Variants in HOOK3 observed in about 807,000 individuals in gnomAD.
HOOK3 encodes the protein hook microtubule tethering protein 3.
HOOK3 carries 24 observed loss-of-function variants against 116.3 expected under a neutral mutation model. That is an observed-to-expected ratio of 0.21 (90% CI 0.15 to 0.29). The LOEUF is 0.29. Among genes scored for constraint, HOOK3 ranks in the 10% least tolerant of loss-of-function variants. HOOK3 has a pLI of 1.00. For missense variants in HOOK3, 632 were observed against 830.2 expected, an observed-to-expected ratio of 0.76 and a Z score of 2.93; for synonymous variants, 275 against 283.0, an observed-to-expected ratio of 0.97 and a Z score of 0.28.
intron 13 of HOOK3, among the ~76,000 whole-genome samples, chr8:42,978,941 T>G (rs1808880482): frequency 6.6e-6 from 1 of 152,156 alleles, no homozygotes; most frequent in African/African-American, 2.4e-5. Flanking sequence ...TGTTGCACAC[T>G]TAACACAATT....
chr8:42,926,686 C>T (rs186652838), intron 3 of HOOK3, among the ~76,000 whole-genome samples: 42 of 152,190 alleles, frequency 2.8e-4, no homozygotes, highest in Non-Finnish European at 5.7e-4. Flanking sequence ...TAACATCTTG[C>T]GTAACTATAA....
At chr8:42,969,001 T>C (rs2130427246) in intron 11 of HOOK3, among the ~76,000 whole-genome samples, 1 of 152,320 alleles carries the variant, frequency 6.6e-6, no homozygotes, top group African/African-American at 2.4e-5. Context: ...TCAGTGAGAC[T>C]TGTTTATCAT....
chr8:42,948,305 C>G (rs1442454086), intron 5 of HOOK3, among the ~76,000 whole-genome samples: 1 of 152,216 alleles, frequency 6.6e-6, no homozygotes. Context: ...CATAGCAAAT[C>G]TCATTCTCCA....
At chr8:42,979,327 T>G (rs1224018129) in intron 13 of HOOK3, among the ~76,000 whole-genome samples, 1 of 152,142 alleles carries the variant, frequency 6.6e-6, no homozygotes, top group African/African-American at 2.4e-5. Context: ...AGCAGTGAAT[T>G]TTTTTCAACT....
At chr8:43,011,451 G>A (rs1267589479) in intron 19 of HOOK3, among the ~76,000 whole-genome samples, 3 of 150,322 alleles carry the variant, frequency 2.0e-5, no homozygotes, top group Non-Finnish European at 4.4e-5. Context: ...GTAACAGCAT[G>A]TGTGTGTGTG....
chr8:42,942,378 A>G (rs1302560987), intron 4 of HOOK3, among the ~76,000 whole-genome samples: 1 of 152,252 alleles, frequency 6.6e-6, no homozygotes, highest in Non-Finnish European at 1.5e-5. Context: ...TTTTAAAGGT[A>G]ATTGTGAAGT....
rs556821402 is a variant in HOOK3, at chr8:42,897,067, T to C, written c.-65T>C. 3.4e-4 allele frequency: 403 copies of C among 1,180,766 alleles called. 2 individuals are homozygous for C. In the South Asian group the frequency reaches 0.01, roughly 30 times the overall value. 73.1% of individuals were successfully genotyped at this position (1,180,766 alleles called of 1,614,324 possible). On this transcript the variant is annotated 5_prime_UTR_variant, in exon 1 of 22. Transcript: ENST00000307602. ...CGAGTCAGCTGCGCGGGCCCCCGGA[T>C]CCCCCGACAGAGCGGCGGCGGTGTC...
At chr8:43,000,521 A>T (rs1359933690) in intron 16 of HOOK3, among the ~76,000 whole-genome samples, 2 of 152,126 alleles carry the variant, frequency 1.3e-5, no homozygotes, top group African/African-American at 4.8e-5. Context: ...GTTCCATCCC[A>T]TTATTATAAT....
At chr8:42,975,206 C>T (rs975678979) in intron 13 of HOOK3, among the ~76,000 whole-genome samples, 2 of 152,156 alleles carry the variant, frequency 1.3e-5, no homozygotes, top group Admixed American at 1.3e-4. Context: ...TCAGCGCCGC[C>T]GGGCTGGGAC....
At chr8:42,955,178 G>A (rs1028721247) in intron 6 of HOOK3, among the ~76,000 whole-genome samples, 4 of 152,160 alleles carry the variant, frequency 2.6e-5, no homozygotes, top group Non-Finnish European at 5.9e-5. Flanking sequence ...GTATTGCACA[G>A]GTCTACTTTT....
chr8:42,965,140 A>G (rs73627242), intron 9 of HOOK3, among the ~76,000 whole-genome samples: 7,193 of 152,332 alleles, frequency 0.047, 338 homozygotes, highest in African/African-American at 0.12. Flanking sequence ...GATCACCAGA[A>G]AGATTAAATT....
chr8:42,922,167 ATCTTCAT>A (rs1807669338), intron 2 of HOOK3, among the ~76,000 whole-genome samples: 1 of 152,212 alleles, frequency 6.6e-6, no homozygotes, highest in Non-Finnish European at 1.5e-5. Context: ...ATACCAATAA[ATCTTCAT>A]GACTCTCGAT....
intron 6 of HOOK3, among the ~76,000 whole-genome samples, chr8:42,952,899 A>C (rs184082531): frequency 2.7e-4 from 41 of 152,314 alleles, no homozygotes; most frequent in Admixed American, 2.7e-3. Flanking sequence ...TATAGTCATC[A>C]GGAACCCAAC....
chr8:42,999,917 C>T (rs756426712), intron 16 of HOOK3, among the ~76,000 whole-genome samples: 11 of 151,954 alleles, frequency 7.2e-5, no homozygotes, highest in Non-Finnish European at 1.0e-4. Context: ...GAGGCCGAGG[C>T]GGGCAGATCA....
chr8:42,920,470 TA>T (rs1479737159), intron 2 of HOOK3, among the ~76,000 whole-genome samples: 2 of 152,262 alleles, frequency 1.3e-5, no homozygotes, highest in African/African-American at 4.8e-5. Context: ...ATTGGAAACT[TA>T]CTAAGTGCTG....
chr8:42,961,181 C>G (rs1808527632), intron 8 of HOOK3, among the ~76,000 whole-genome samples: 1 of 152,144 alleles, frequency 6.6e-6, no homozygotes, highest in Non-Finnish European at 1.5e-5. Context: ...CCCACCAGGC[C>G]CCACCTCCAA....
intron 19 of HOOK3, among the ~76,000 whole-genome samples, chr8:43,011,259 C>G (rs887554424): frequency 1.3e-5 from 2 of 152,116 alleles, no homozygotes; most frequent in African/African-American, 4.8e-5. Flanking sequence ...TCCCAAAGTG[C>G]TGGGATTACA....
chr8:42,962,407 G>GTTT (rs763537584), intron 8 of HOOK3, among the ~76,000 whole-genome samples: 4 of 127,638 alleles, frequency 3.1e-5, no homozygotes, highest in African/African-American at 5.7e-5. Flanking sequence ...TGGCCCGTGT[G>GTTT]TTTTTTTTTT....
At chr8:42,997,270 A>T (rs1809297065) in intron 15 of HOOK3, among the ~76,000 whole-genome samples, 1 of 152,210 alleles carries the variant, frequency 6.6e-6, no homozygotes, top group South Asian at 2.1e-4. Context: ...ACATGTATTG[A>T]AGTGAATTTC....
Sources: gnomAD v4.1 joint callset for allele counts (sites outside exome capture counted in the v4.1 genomes callset) on GRCh38, gnomAD v4.1.1 for gene constraint, MANE v1.5 for transcripts, NCBI Gene and HGNC (gene_info 2026-07-23, HGNC 2026-07-21) for gene names.